KSR1: variants seen among roughly 807,000 people sequenced by gnomAD.
KSR1 encodes kinase suppressor of ras.
In KSR1, 35 loss-of-function variants were observed where a neutral mutation model predicts 92.9. The observed-to-expected ratio is 0.38, with a 90% CI of 0.29 to 0.50. KSR1 has a LOEUF of 0.50. Ranked by LOEUF, KSR1 falls within the 20% of genes least tolerant of loss-of-function variation. The pLI, the probability that KSR1 is intolerant of heterozygous loss-of-function variation, is 0.94. For synonymous variants in KSR1, 467 were observed against 472.6 expected, an observed-to-expected ratio of 0.99 and a Z score of 0.15; for missense variants, 972 against 1,158.5, an observed-to-expected ratio of 0.84 and a Z score of 2.34.
chr17:27,590,656 C>T (rs1371205902), intron 6 of KSR1, among the ~76,000 whole-genome samples, 155 bp from the exon 7 acceptor site: 1 of 152,202 alleles, frequency 6.6e-6, no homozygotes, highest in Non-Finnish European at 1.5e-5. Context: ...GAAGCAGTGG[C>T]CCGTGGGTAT....
chr17:27,538,271 T>G (rs924502459), intron 1 of KSR1, among the ~76,000 whole-genome samples: 13 of 151,878 alleles, frequency 8.6e-5, no homozygotes, highest in African/African-American at 2.9e-4. Context: ...GAGTCTGGAG[T>G]TAGGTGGCAC....
Position 27,626,396 on chromosome 17 carries a change from C to CT in KSR1, c.*3005dup, listed in dbSNP as rs2074340685. On this transcript the variant is annotated 3_prime_UTR_variant, in exon 21 of 21. Coordinates refer to ENST00000644974, the MANE Select transcript of KSR1 (RefSeq NM_001394583.1). ...ACATGCCCTCTGTGCTAAGCCAGGC[C>CT]TGGGTGTCTGGAGTTTGTGAATAAA... 6.6e-6 allele frequency: 1 copy of CT among 152,236 alleles called. No individual in the cohort carries two copies. The highest frequency in any genetic ancestry group is 2.4e-5 in the African/African-American group (1 of 41,448). The allele number at this position is 152,236 out of a possible 1,614,324, so 9.4% of individuals were successfully genotyped here.
chr17:27,481,695 G>A (rs764281067), intron 1 of KSR1, among the ~76,000 whole-genome samples: 34 of 152,174 alleles, frequency 2.2e-4, no homozygotes, highest in Non-Finnish European at 4.4e-4. Flanking sequence ...TTCAGGGGGT[G>A]CAGTGGTTTT....
chr17:27,605,166 G>A (rs1260638002), intron 13 of KSR1, among the ~76,000 whole-genome samples: 2 of 152,248 alleles, frequency 1.3e-5, no homozygotes, highest in Admixed American at 6.5e-5. Context: ...ACAATTAGAT[G>A]TTGCTCACAG....
intron 1 of KSR1, among the ~76,000 whole-genome samples, chr17:27,469,861 A>G (rs1325496136): frequency 6.6e-6 from 1 of 152,104 alleles, no homozygotes; most frequent in Non-Finnish European, 1.5e-5. Context: ...TAGTTTCTAG[A>G]TTTCTGCAAT....
intron 1 of KSR1, among the ~76,000 whole-genome samples, chr17:27,540,198 A>G (rs1211082432): frequency 7.9e-5 from 12 of 152,246 alleles, no homozygotes. Flanking sequence ...CTAACTCATC[A>G]GTGCTTCCAT....
chr17:27,602,844 C>T (rs185350194), intron 11 of KSR1, among the ~76,000 whole-genome samples: 6 of 152,364 alleles, frequency 3.9e-5, no homozygotes, highest in South Asian at 2.1e-4. Flanking sequence ...AGAAGGCCCA[C>T]GGCCTCTATC....
intron 1 of KSR1, among the ~76,000 whole-genome samples, chr17:27,487,394 C>G (rs1402273209): frequency 2.6e-5 from 4 of 152,130 alleles, no homozygotes; most frequent in Admixed American, 2.6e-4. Context: ...GAGATCGCGC[C>G]TCTGCACACC....
chr17:27,456,839 A>C lies in KSR1; in HGVS notation c.196A>C (p.Asn66His), dbSNP rs1410163229. 7.9e-7 allele frequency: 1 copy of C among 1,259,886 alleles called. No homozygotes were observed. The allele number at this position is 1,259,886 out of a possible 1,614,324, so 78.0% of individuals were successfully genotyped here. A position where few individuals can be genotyped will look rare whatever the true frequency, so the allele number is the denominator to read the frequency against. ...RGLRTKCAVS[N>H]DLTQQEIRTL... ...GCTGCGCACCAAGTGCGCTGTGTCC[A>C]ACGACCTCACCCAGCAGGAGATACG... is the stretch of plus-strand genomic sequence containing the variant. Residue 66 changes from asparagine to histidine, a missense_variant, in exon 1 of 21, where the codon AAC (asparagine) becomes CAC (histidine). By Grantham distance (68) the Asn-to-His change is moderately conservative. Transcript: ENST00000644974.
intron 5 of KSR1, among the ~76,000 whole-genome samples, chr17:27,586,721 G>C (rs951993119): frequency 6.6e-6 from 1 of 152,218 alleles, no homozygotes; most frequent in African/African-American, 2.4e-5. Context: ...AGATCAGATG[G>C]AGGCGGTGCT....
chr17:27,518,900 G>A (rs1421877850), intron 1 of KSR1, among the ~76,000 whole-genome samples: 7 of 152,190 alleles, frequency 4.6e-5, no homozygotes, highest in Non-Finnish European at 8.8e-5. Flanking sequence ...GCACTGGCTG[G>A]TTCCTGGAGT....
intron 20 of KSR1, 196 bp from the exon 21 acceptor site, chr17:27,623,118 G>C (rs1329134205): frequency 1.8e-5 from 11 of 614,102 alleles, no homozygotes; most frequent in Non-Finnish European, 2.9e-5. Flanking sequence ...GCTCCAAGTA[G>C]GACTACTTGG....
At chr17:27,597,126 A>G in intron 9 of KSR1, 142 bp from the exon 10 acceptor site, 2 of 906,628 alleles carry the variant, frequency 2.2e-6, no homozygotes, top group South Asian at 3.3e-5. Context: ...CCTTCCTCAA[A>G]TGTTAGATGT....
At chr17:27,522,610 A>G (rs1021224728) in intron 1 of KSR1, among the ~76,000 whole-genome samples, 1 of 152,176 alleles carries the variant, frequency 6.6e-6, no homozygotes, top group Non-Finnish European at 1.5e-5. Context: ...TGGTGGGACA[A>G]ACACCTTCAC....
intron 1 of KSR1, among the ~76,000 whole-genome samples, chr17:27,501,736 AG>A (rs1217704028): frequency 2.6e-5 from 4 of 152,344 alleles, no homozygotes; most frequent in Admixed American, 2.6e-4. Flanking sequence ...TGACCTCAAA[AG>A]ATCCGCCTGC....
chr17:27,484,895 T>C (rs2068619514), intron 1 of KSR1, among the ~76,000 whole-genome samples: 1 of 152,172 alleles, frequency 6.6e-6, no homozygotes, highest in South Asian at 2.1e-4. Flanking sequence ...GTAAAATGTG[T>C]CTCAGAGCTT....
At chr17:27,582,554 C>T (rs2072804199) in intron 3 of KSR1, 92 bp from the exon 4 acceptor site, 1 of 1,150,948 alleles carries the variant, frequency 8.7e-7, no homozygotes. Context: ...TGCAGCCTCA[C>T]ACCAGGTGTT....
chr17:27,488,215 A>G (rs545202010), intron 1 of KSR1, among the ~76,000 whole-genome samples: 3 of 152,238 alleles, frequency 2.0e-5, no homozygotes, highest in South Asian at 2.1e-4. Flanking sequence ...GATAAACTGA[A>G]CACCCATGTA....
intron 1 of KSR1, among the ~76,000 whole-genome samples, chr17:27,495,239 T>TCTC (rs2068946575): frequency 6.6e-6 from 1 of 152,166 alleles, no homozygotes; most frequent in Admixed American, 6.5e-5. Flanking sequence ...CGGCTGCTCC[T>TCTC]CTCCTCCTCC....
Sources: allele counts gnomAD v4.1 joint callset (sites outside exome capture counted in the v4.1 genomes callset), GRCh38; gene constraint gnomAD v4.1.1; transcripts MANE v1.5; gene names NCBI Gene and HGNC (gene_info 2026-07-23, HGNC 2026-07-21).